RABGAP1L: variants seen among roughly 807,000 people sequenced by gnomAD.
RABGAP1L encodes the protein rab GTPase-activating protein 1-like.
In RABGAP1L, 63 loss-of-function variants were observed where a neutral mutation model predicts 137.7. That is an observed-to-expected ratio of 0.46 (90% CI 0.37 to 0.56). The LOEUF (loss-of-function observed/expected upper bound fraction) is 0.56. RABGAP1L is among the 20% of genes least tolerant of loss of function. The pLI is 0.00. For synonymous variants in RABGAP1L, 431 were observed against 433.7 expected (o/e 0.99, Z 0.08); for missense variants, 1,095 against 1,244.0 (o/e 0.88, Z 1.80).
chr1:174,424,613 T>A (rs16846999), intron 13 of RABGAP1L, among the ~76,000 whole-genome samples: 154 of 152,174 alleles, frequency 1.0e-3, no homozygotes, highest in African/African-American at 3.5e-3. Flanking sequence ...AAGAAGGTGC[T>A]GAGTAATTTT....
intron 14 of RABGAP1L, among the ~76,000 whole-genome samples, chr1:174,676,547 A>G (rs1213059766): frequency 6.6e-6 from 1 of 152,212 alleles, no homozygotes; most frequent in African/African-American, 2.4e-5. Context: ...TGGAGTTTCA[A>G]CTTCTAAGTG....
chr1:174,406,315 A>G (rs1270942575), intron 13 of RABGAP1L, among the ~76,000 whole-genome samples: 1 of 152,210 alleles, frequency 6.6e-6, no homozygotes, highest in Non-Finnish European at 1.5e-5. Context: ...ATATTCTATT[A>G]TTAGTAACAA....
chr1:174,252,719 A>G (rs1281478066), intron 7 of RABGAP1L, 129 bp downstream of exon 7: 1 of 1,337,708 alleles, frequency 7.5e-7, no homozygotes, highest in Non-Finnish European at 9.8e-7. Flanking sequence ...AATTAATAAT[A>G]CTTTCTCTAC....
chr1:174,363,194 A>G lies in RABGAP1L; in HGVS notation c.1466-7785A>G, dbSNP rs1028658042. 6.6e-5 allele frequency among the ~76,000 whole-genome samples: 10 copies of G among 152,166 alleles called. No homozygotes were observed. The East Asian group carries it at 9.6e-4, about 15-fold the overall frequency. ...GTCTTGGTTACCATAGCCCTGTAGT[A>G]TAGTTTGAAGTAATGTAGCATGATG... On this transcript the variant is annotated intron_variant, in intron 11 of 25. Coordinates refer to ENST00000681986, the MANE Select transcript of RABGAP1L (RefSeq NM_001366446.1).
chr1:174,601,134 A>G (rs1255595223), intron 13 of RABGAP1L, among the ~76,000 whole-genome samples: 1 of 152,182 alleles, frequency 6.6e-6, no homozygotes, highest in Non-Finnish European at 1.5e-5. Context: ...TGAGCTGTAC[A>G]TTGGCCCCTT....
chr1:174,702,676 T>C (rs1679747797), intron 17 of RABGAP1L, among the ~76,000 whole-genome samples: 1 of 152,136 alleles, frequency 6.6e-6, no homozygotes, highest in Non-Finnish European at 1.5e-5. Flanking sequence ...CAGATATCTT[T>C]CTGTTTATCA....
Position 174,851,558 on chromosome 1 carries a change from G to A in RABGAP1L, c.2340+39598G>A, listed in dbSNP as rs534637607. Among the ~76,000 whole-genome samples the A allele has an allele frequency of 4.6e-5, 7 of 151,950 alleles. No homozygotes were observed. In the South Asian group the frequency reaches 6.2e-4, roughly 14 times the overall value. On this transcript the variant is annotated intron_variant, in intron 19 of 25. Coordinates refer to ENST00000681986, the MANE Select transcript of RABGAP1L (RefSeq NM_001366446.1). ...TTTTTTTGAGACAGGGCCTTGCTCT[G>A]TCGCCCATGCTGGAGTACAATCACC...
chr1:174,337,781 G>T (rs1294771942), intron 11 of RABGAP1L, among the ~76,000 whole-genome samples: 2 of 152,122 alleles, frequency 1.3e-5, no homozygotes, highest in African/African-American at 4.8e-5. Flanking sequence ...TTCTGGGTTA[G>T]CTTGCCCTGG....
At chr1:174,976,560 T>C (rs1278149477) in intron 22 of RABGAP1L, among the ~76,000 whole-genome samples, 1 of 152,202 alleles carries the variant, frequency 6.6e-6, no homozygotes, top group East Asian at 1.9e-4. Flanking sequence ...TTTATGAGCA[T>C]TGTTAAACCG....
chr1:174,664,697 T>C (rs562507546), intron 14 of RABGAP1L, among the ~76,000 whole-genome samples: 3 of 149,618 alleles, frequency 2.0e-5, no homozygotes, highest in East Asian at 3.9e-4. Context: ...TTATGGTTCT[T>C]TCTCTCTCTC....
At chr1:174,976,036 GTA>G (rs1287433359) in intron 21 of RABGAP1L, 40 bp from the exon 22 acceptor site, 2 of 935,444 alleles carry the variant, frequency 2.1e-6, no homozygotes, top group South Asian at 1.8e-5. Flanking sequence ...TTTACCCTCT[GTA>G]TGACTGTGAT....
At chr1:174,508,773 T>C (rs976861903) in intron 13 of RABGAP1L, among the ~76,000 whole-genome samples, 4 of 152,182 alleles carry the variant, frequency 2.6e-5, no homozygotes, top group African/African-American at 4.8e-5. Flanking sequence ...TGTAAACTTA[T>C]TTTCTTCTCA....
At chr1:174,635,040 T>G (rs902298811) in intron 13 of RABGAP1L, among the ~76,000 whole-genome samples, 4 of 148,346 alleles carry the variant, frequency 2.7e-5, no homozygotes, top group Non-Finnish European at 6.0e-5. Context: ...TAATAAAAAA[T>G]AAAATAATAA....
intron 7 of RABGAP1L, among the ~76,000 whole-genome samples, chr1:174,267,289 G>T (rs1416775078): frequency 6.6e-5 from 10 of 152,168 alleles, no homozygotes; most frequent in Admixed American, 5.2e-4. Flanking sequence ...TGAATATTAT[G>T]TCTGTAGTAT....
At chr1:174,443,129 C>T (rs1654344564) in intron 13 of RABGAP1L, among the ~76,000 whole-genome samples, 1 of 151,972 alleles carries the variant, frequency 6.6e-6, no homozygotes, top group Non-Finnish European at 1.5e-5. Flanking sequence ...TCTTGATGGA[C>T]ACTTAGGTTG....
intron 19 of RABGAP1L, among the ~76,000 whole-genome samples, chr1:174,855,583 T>A (rs963485414): frequency 1.3e-5 from 2 of 152,220 alleles, no homozygotes; most frequent in Admixed American, 1.3e-4. Flanking sequence ...AGCTCTTACA[T>A]AAGTCTAAAT....
chr1:174,515,630 C>T (rs1024596867), intron 13 of RABGAP1L, among the ~76,000 whole-genome samples: 2 of 152,112 alleles, frequency 1.3e-5, no homozygotes, highest in African/African-American at 4.8e-5. Context: ...ATTGCTACAA[C>T]CATACTTACG....
intron 11 of RABGAP1L, among the ~76,000 whole-genome samples, chr1:174,352,531 A>G (rs1057083491): frequency 6.6e-6 from 1 of 152,108 alleles, no homozygotes; most frequent in East Asian, 1.9e-4. Context: ...CGAATTCTCT[A>G]TTTGAAAGGT....
chr1:174,674,734 T>A (rs1230645056), intron 14 of RABGAP1L, among the ~76,000 whole-genome samples: 1 of 151,912 alleles, frequency 6.6e-6, no homozygotes, highest in Non-Finnish European at 1.5e-5. Flanking sequence ...TTTCTCCACA[T>A]CCTCTCCAGC....
Sources: gnomAD v4.1 joint callset for allele counts (sites outside exome capture counted in the v4.1 genomes callset) on GRCh38, gnomAD v4.1.1 for gene constraint, MANE v1.5 for transcripts, NCBI Gene and HGNC (gene_info 2026-07-23, HGNC 2026-07-21) for gene names.